Variants in RBFOX3 observed in about 807,000 individuals in gnomAD.
RBFOX3 encodes RNA binding protein fox-1 homolog 3.
RBFOX3 carries 17 observed loss-of-function variants against 48.7 expected under a neutral mutation model. The observed-to-expected ratio is 0.35, with a 90% CI of 0.24 to 0.52. RBFOX3 has a LOEUF of 0.52. Ranked by LOEUF, RBFOX3 falls within the 20% of genes least tolerant of loss-of-function variation. The probability of loss-of-function intolerance (pLI) is 0.94; values close to 1 mark genes in which losing one functional copy is unlikely to be tolerated. For missense variants in RBFOX3, 382 were observed against 497.5 expected (o/e 0.77, Z 2.21); for synonymous variants, 212 against 209.5 (o/e 1.01, Z -0.10).
chr17:79,468,496 T>C (rs1217039151), intron 2 of RBFOX3, among the ~76,000 whole-genome samples: 12 of 151,946 alleles, frequency 7.9e-5, no homozygotes, highest in African/African-American at 1.5e-4. Flanking sequence ...ACATGGATGA[T>C]AGATAGATGC....
chr17:79,633,212 G>A, the RBFOX3 span, among the ~76,000 whole-genome samples: 3 of 152,370 alleles, frequency 2.0e-5, no homozygotes, highest in East Asian at 1.9e-4. Context: ...CAGAGCCCAG[G>A]AGCCACAGCT....
At chr17:79,334,098 T>C (rs1052887701) in intron 2 of RBFOX3, among the ~76,000 whole-genome samples, 8 of 152,168 alleles carry the variant, frequency 5.3e-5, no homozygotes, top group Admixed American at 4.6e-4. Flanking sequence ...TGATGATCCT[T>C]GAAACTGCCT....
intron 1 of RBFOX3, among the ~76,000 whole-genome samples, chr17:79,573,885 C>T (rs1054266551): frequency 2.2e-4 from 33 of 152,330 alleles, no homozygotes; most frequent in African/African-American, 7.2e-4. Context: ...CCTCCTTCTC[C>T]TCCCTGGCTC....
chr17:79,381,538 G>T (rs143870410), intron 2 of RBFOX3, among the ~76,000 whole-genome samples: 1 of 152,188 alleles, frequency 6.6e-6, no homozygotes, highest in Admixed American at 6.5e-5. Flanking sequence ...TGTTAGGGCC[G>T]GTCAGGCAGG....
At chr17:79,518,956 C>T (rs1249227937) in intron 1 of RBFOX3, among the ~76,000 whole-genome samples, 4 of 152,358 alleles carry the variant, frequency 2.6e-5, no homozygotes, top group East Asian at 3.9e-4. Context: ...GAGGCGGCCA[C>T]GGCCAGGAAC....
intron 4 of RBFOX3, among the ~76,000 whole-genome samples, chr17:79,118,540 A>G (rs565445902): frequency 4.6e-5 from 7 of 152,190 alleles, no homozygotes; most frequent in Admixed American, 3.9e-4. Flanking sequence ...GGAGCAAGAG[A>G]AAGTGTGGAA....
At chr17:79,416,153 G>C (rs2065318371) in intron 2 of RBFOX3, among the ~76,000 whole-genome samples, 1 of 152,228 alleles carries the variant, frequency 6.6e-6, no homozygotes, top group South Asian at 2.1e-4. Context: ...GCCAAGGGCT[G>C]CCACCTGCAC....
chr17:79,356,347 A>ATTTTTT (rs1568100650), intron 2 of RBFOX3, among the ~76,000 whole-genome samples: 1 of 66,952 alleles, frequency 1.5e-5, no homozygotes, highest in East Asian at 5.6e-4. Flanking sequence ...AAAACAGGGA[A>ATTTTTT]GTTTTTTTTT....
Position 79,198,687 on chromosome 17 carries a change from A to G in RBFOX3, c.-34+37079T>C, listed in dbSNP as rs1468143533. On this transcript the variant is annotated intron_variant, in intron 4 of 14. Coordinates refer to ENST00000693108, the MANE Select transcript of RBFOX3 (RefSeq NM_001350451.2). The surrounding 1 kb of genome is among the most constrained non-coding windows in gnomAD (Gnocchi z 8.2). ...GTCACTCAAGCTGGAGTGCAGTGGC[A>G]TGATCTAGGCTCGTTGCAACCTCCA... Among the ~76,000 whole-genome samples, 2 of 151,028 alleles carry G rather than the reference A, an allele frequency of 1.3e-5. No individual in the cohort carries two copies. The highest frequency in any genetic ancestry group is 2.4e-5 in the African/African-American group (1 of 40,956).
At chr17:79,092,636 G>A in intron 14 of RBFOX3, 1 of 987,682 alleles carries the variant, frequency 1.0e-6, no homozygotes, top group Non-Finnish European at 1.2e-6. Flanking sequence ...CTCGGCAGAG[G>A]CTAGCCTGCA....
chr17:79,500,101 C>T lies in RBFOX3; in HGVS notation c.-319-17503G>A, dbSNP rs1471423761. On this transcript the variant is annotated intron_variant, in intron 1 of 14. Coordinates refer to ENST00000693108, the MANE Select transcript of RBFOX3 (RefSeq NM_001350451.2). ...CATGGTTGGCTCCCTGGTCCCAGGA[C>T]GGGGATGAAAGATCCATAGAGCACA... Among the ~76,000 whole-genome samples the T allele has an allele frequency of 9.9e-5, 15 of 152,204 alleles. No individual in the cohort carries two copies. The East Asian group carries it at 1.7e-3, about 18-fold the overall frequency.
At chr17:79,137,483 G>A (rs1468475007) in intron 4 of RBFOX3, among the ~76,000 whole-genome samples, 1 of 152,148 alleles carries the variant, frequency 6.6e-6, no homozygotes, top group Non-Finnish European at 1.5e-5. Flanking sequence ...CCACACACAC[G>A]CGCCTGCAGT....
At chr17:79,105,461 G>A (rs1249380281) in intron 6 of RBFOX3, among the ~76,000 whole-genome samples, 1 of 152,218 alleles carries the variant, frequency 6.6e-6, no homozygotes, top group Non-Finnish European at 1.5e-5. Context: ...GGCAGCCCCA[G>A]GCCCAGAGAA....
Position 79,404,305 on chromosome 17 carries a change from G to A in RBFOX3, c.-175+78149C>T, listed in dbSNP as rs539963248. On this transcript the variant is annotated intron_variant, in intron 2 of 14. Coordinates refer to ENST00000693108, the MANE Select transcript of RBFOX3 (RefSeq NM_001350451.2). ...CCCAGCCCACCAGGGGCCTGGCTAG[G>A]CACTGGTTCCTCCCTCCTAAGCCAA... Among the ~76,000 whole-genome samples, 102 of 151,850 alleles carry A rather than the reference G, an allele frequency of 6.7e-4. No homozygotes were observed. In the South Asian group the frequency reaches 0.021, roughly 31 times the overall value.
chr17:79,579,293 G>A (rs1395133468), intron 1 of RBFOX3, among the ~76,000 whole-genome samples: 1 of 152,214 alleles, frequency 6.6e-6, no homozygotes, highest in Non-Finnish European at 1.5e-5. Context: ...GCCGGGTGCT[G>A]GCTCTGCTGC....
At chr17:79,348,305 T>C (rs1476080262) in intron 2 of RBFOX3, among the ~76,000 whole-genome samples, 1 of 152,204 alleles carries the variant, frequency 6.6e-6, no homozygotes, top group Non-Finnish European at 1.5e-5. Context: ...GCATGGTTTG[T>C]CCCAAGGCAA....
intron 1 of RBFOX3, among the ~76,000 whole-genome samples, chr17:79,588,525 C>T (rs2093322007): frequency 1.3e-5 from 2 of 152,178 alleles, no homozygotes; most frequent in African/African-American, 2.4e-5. Context: ...GAAGAACCTG[C>T]AAGCCAATTT....
chr17:79,643,194 G>A, the RBFOX3 span, among the ~76,000 whole-genome samples: 2 of 152,118 alleles, frequency 1.3e-5, no homozygotes, highest in South Asian at 2.1e-4. Flanking sequence ...TAGACTTGAA[G>A]ACAATGGATA....
intron 14 of RBFOX3, chr17:79,092,459 A>AGTT: frequency 1.0e-6 from 1 of 985,768 alleles, no homozygotes; most frequent in Non-Finnish European, 1.2e-6. Flanking sequence ...TAGATTTTAG[A>AGTT]GTTGCAGGGG....
Sources: allele counts gnomAD v4.1 joint callset (sites outside exome capture counted in the v4.1 genomes callset), GRCh38; gene constraint gnomAD v4.1.1; non-coding constraint Gnocchi (gnomAD v3.1); transcripts MANE v1.5; gene names NCBI Gene and HGNC (gene_info 2026-07-23, HGNC 2026-07-21).